TSFM: variants seen among roughly 807,000 people sequenced by gnomAD.
TSFM encodes the protein elongation factor Ts, mitochondrial.
In TSFM, 29 loss-of-function variants were observed where a neutral mutation model predicts 33.4. The ratio of observed to expected loss-of-function variants is 0.87; its 90% CI spans 0.65 to 1.18. The LOEUF is 1.18. TSFM is among the 50% of genes most tolerant of loss of function. The pLI, the probability that TSFM is intolerant of heterozygous loss-of-function variation, is 0.00. For synonymous variants in TSFM, 178 were observed against 163.5 expected (o/e 1.09, Z -0.68); for missense variants, 394 against 395.6 (o/e 1.00, Z 0.04).
intron 5 of TSFM, among the ~76,000 whole-genome samples, chr12:57,793,704 T>C (rs1375082721): frequency 6.6e-6 from 1 of 152,224 alleles, no homozygotes; most frequent in Non-Finnish European, 1.5e-5. Flanking sequence ...ATTAAAATTA[T>C]TTTCATCACT....
At chr12:57,787,432 G>A (rs1421313466) in intron 4 of TSFM, among the ~76,000 whole-genome samples, 1 of 152,102 alleles carries the variant, frequency 6.6e-6, no homozygotes, top group African/African-American at 2.4e-5. Flanking sequence ...TATGAGGCAG[G>A]GAATTTGTCT....
chr12:57,792,904 A>C, intron 4 of TSFM, 82 bp from the exon 5 acceptor site: 30 of 1,392,544 alleles, frequency 2.2e-5, no homozygotes, highest in Non-Finnish European at 2.9e-5. Context: ...TACTTTTCTT[A>C]GAGATAGACT....
Position 57,791,700 on chromosome 12 carries a change from A to G in TSFM, c.484-1286A>G, listed in dbSNP as rs149749796. ...ATGTGCTATAGTTTAATCTCCTGCT[A>G]TGTTTGGGCATTTAGGCTGTTTTTA... On this transcript the variant is annotated intron_variant, in intron 4 of 5. Transcript: ENST00000652027. Among the ~76,000 whole-genome samples, 594 of 152,282 alleles carry G rather than the reference A, an allele frequency of 3.9e-3. 4 individuals carry two copies. The highest frequency in any genetic ancestry group is 0.013 in the African/African-American group (549 of 41,550).
chr12:57,793,746 G>A (rs912456425), intron 5 of TSFM, among the ~76,000 whole-genome samples: 10 of 152,200 alleles, frequency 6.6e-5, no homozygotes, highest in African/African-American at 2.4e-4. Flanking sequence ...TCTTTAGGCA[G>A]AGATGGCCTT....
At chr12:57,785,140 A>G (rs867295328) in intron 2 of TSFM, among the ~76,000 whole-genome samples, 1 of 152,024 alleles carries the variant, frequency 6.6e-6, no homozygotes, top group Non-Finnish European at 1.5e-5. Context: ...GTTAGCCAGG[A>G]TGGTCTCGAT....
chr12:57,783,703 C>A, intron 2 of TSFM: 1 of 587,390 alleles, frequency 1.7e-6, no homozygotes, highest in African/African-American at 1.9e-5. Context: ...AAGCGATTCT[C>A]CTGCCTCAGC....
chr12:57,787,618 A>G (rs1955607444), intron 4 of TSFM, among the ~76,000 whole-genome samples: 1 of 152,228 alleles, frequency 6.6e-6, no homozygotes, highest in Non-Finnish European at 1.5e-5. Flanking sequence ...GAATGGTCTT[A>G]GGAAAGAATT....
chr12:57,785,221 T>G (rs1011972075), intron 2 of TSFM, among the ~76,000 whole-genome samples: 3 of 152,164 alleles, frequency 2.0e-5, no homozygotes, highest in Non-Finnish European at 4.4e-5. Flanking sequence ...CCACAGCGCC[T>G]GGCCAAAACT....
intron 5 of TSFM, among the ~76,000 whole-genome samples, chr12:57,795,602 A>C (rs576618242): frequency 6.6e-6 from 1 of 152,034 alleles, no homozygotes; most frequent in Admixed American, 6.6e-5. Context: ...CAACCTATAC[A>C]ACCTATGTTT....
At chr12:57,786,540 C>A (rs1955593267) in intron 3 of TSFM, among the ~76,000 whole-genome samples, 1 of 151,708 alleles carries the variant, frequency 6.6e-6, no homozygotes. Flanking sequence ...CTGGCACAGG[C>A]TTACACCTTG....
chr12:57,798,374 C>T (rs1183250363), downstream of TSFM, among the ~76,000 whole-genome samples: 1 of 152,018 alleles, frequency 6.6e-6, no homozygotes, highest in African/African-American at 2.4e-5. Context: ...CCATTTTTAC[C>T]CATAAATTTT....
downstream of TSFM, chr12:57,799,969 G>A (rs765987266): frequency 1.6e-5 from 26 of 1,606,812 alleles, no homozygotes; most frequent in Non-Finnish European, 2.0e-5. Flanking sequence ...CTCAGTGTCT[G>A]TGTGGTTACA....
chr12:57,784,090 T>G (rs997271422), intron 2 of TSFM: 1 of 702,770 alleles, frequency 1.4e-6, no homozygotes, highest in Non-Finnish European at 2.6e-6. Flanking sequence ...CTGGGCTATA[T>G]GGAATTGCCA....
At position 57,783,100 on chromosome 12, in the gene TSFM, T is replaced by C. The variant is rs1955534902; in HGVS notation, c.58-10T>C. ...CTTCCTGCTCCTCATCCCTTTCTTATCTCATCTAGGCTGGGTCTCTTCTGC... is the reference window on the plus strand; with the variant it reads ...CTTCCTGCTCCTCATCCCTTTCTTACCTCATCTAGGCTGGGTCTCTTCTGC... On this transcript the variant is annotated splice_polypyrimidine_tract_variant and intron_variant, in intron 1 of 5. Coordinates refer to ENST00000652027, the MANE Select transcript of TSFM (RefSeq NM_005726.6). The C allele has an allele frequency of 1.9e-6, 3 of 1,602,640 alleles. No individual in the cohort carries two copies. Among genetic ancestry groups the C allele is most frequent in the Admixed American group, 1.7e-5 (1 of 59,172 alleles).
downstream of TSFM, among the ~76,000 whole-genome samples, chr12:57,799,479 G>T (rs1403480714): frequency 2.0e-5 from 3 of 152,200 alleles, no homozygotes; most frequent in Non-Finnish European, 4.4e-5. Flanking sequence ...GATCTCTTTG[G>T]CTGTTGTGTG....
At chr12:57,798,139 A>G, downstream of TSFM, 1 of 534,742 alleles carries the variant, frequency 1.9e-6, no homozygotes, top group Admixed American at 3.7e-5. Context: ...GCTGTTAAAG[A>G]TTTAAATTAT....
intron 2 of TSFM, chr12:57,783,658 A>G (rs1282525274): frequency 3.5e-6 from 2 of 578,522 alleles, no homozygotes; most frequent in Admixed American, 4.4e-5. Flanking sequence ...CAATGGCACG[A>G]TGTTGGCTCA....
downstream of TSFM, among the ~76,000 whole-genome samples, chr12:57,801,978 C>G (rs1955857413): frequency 6.6e-6 from 1 of 152,160 alleles, no homozygotes; most frequent in South Asian, 2.1e-4. Context: ...AATTGTCCAC[C>G]TGGACTTACT....
chr12:57,796,292 G>A lies in TSFM; in HGVS notation c.687G>A (p.Leu229=). The change falls in exon 6 of 6, where the codon CTG becomes CTA. Residue 229 remains leucine, a synonymous_variant. Coordinates refer to ENST00000652027, the MANE Select transcript of TSFM (RefSeq NM_005726.6). ...TGCAGAGTCCCTCACTTCACAAGCT[G>A]GTGCTGGGGAAGTATGGGGCCCTGG... ...GAMQSPSLHK[L]VLGKYGALVI... is the part of the protein sequence containing the mutation. 6.2e-7 allele frequency: 1 copy of A among 1,612,464 alleles called. No homozygotes were observed. Among genetic ancestry groups the A allele is most frequent in the Non-Finnish European group, 8.5e-7 (1 of 1,179,226 alleles).
Sources: gnomAD v4.1 joint callset for allele counts (sites outside exome capture counted in the v4.1 genomes callset) on GRCh38, gnomAD v4.1.1 for gene constraint, MANE v1.5 for transcripts, NCBI Gene and HGNC (gene_info 2026-07-23, HGNC 2026-07-21) for gene names.